Variants in DENND4A observed in about 807,000 individuals in gnomAD.
The protein encoded by DENND4A is C-myc promoter-binding protein.
A neutral mutation model predicts 199.3 loss-of-function variants in DENND4A; 70 were observed. The ratio of observed to expected loss-of-function variants is 0.35; its 90% CI spans 0.29 to 0.43. The LOEUF (loss-of-function observed/expected upper bound fraction) is 0.43. Ranked by LOEUF, DENND4A falls within the 20% of genes least tolerant of loss-of-function variation. The pLI, the probability that DENND4A is intolerant of heterozygous loss-of-function variation, is 1.00. For synonymous variants in DENND4A, 686 were observed against 766.9 expected, an observed-to-expected ratio of 0.89 and a Z score of 1.74; for missense variants, 1,723 against 2,255.8, an observed-to-expected ratio of 0.76 and a Z score of 4.78.
chr15:65,758,171 G>A (rs948695104), intron 2 of DENND4A, among the ~76,000 whole-genome samples: 5 of 152,048 alleles, frequency 3.3e-5, no homozygotes, highest in Admixed American at 6.6e-5. Flanking sequence ...ATATCAAACA[G>A]AAGAATTTCA....
Position 65,661,734 on chromosome 15 carries a change from G to A in DENND4A, c.*117C>T. 1.1e-6 allele frequency: 1 copy of A among 916,726 alleles called. No homozygotes were observed. The highest frequency in any genetic ancestry group is 1.6e-6 in the Non-Finnish European group (1 of 638,204). The allele number at this position is 916,726 out of a possible 1,614,324, so 56.8% of individuals were successfully genotyped here. On this transcript the variant is annotated 3_prime_UTR_variant, in exon 33 of 33. Transcript: ENST00000443035. ...TGTACATAAGCTGTCTGAGTCTTTT[G>A]AACCATTTACAAATTGTATTTTCAA... is the stretch of plus-strand genomic sequence containing the variant.
intron 7 of DENND4A, among the ~76,000 whole-genome samples, chr15:65,735,422 T>C (rs2076086471): frequency 6.6e-6 from 1 of 152,142 alleles, no homozygotes; most frequent in Non-Finnish European, 1.5e-5. Context: ...CAAAAAATTA[T>C]ATGATGTCAT....
chr15:65,671,996 C>T, intron 24 of DENND4A, 110 bp from the exon 25 acceptor site: 1 of 701,080 alleles, frequency 1.4e-6, no homozygotes, highest in South Asian at 1.6e-5. Context: ...CTATTCCAGT[C>T]AAAATATTAA....
At chr15:65,747,443 G>A (rs1354679284) in intron 4 of DENND4A, among the ~76,000 whole-genome samples, 2 of 152,110 alleles carry the variant, frequency 1.3e-5, no homozygotes, top group African/African-American at 2.4e-5. Flanking sequence ...CATGTAACAG[G>A]CACAGAGAGG....
At chr15:65,701,006 A>G (rs757876259) in intron 19 of DENND4A, 45 bp downstream of exon 19, 9 of 1,547,242 alleles carry the variant, frequency 5.8e-6, no homozygotes, top group Non-Finnish European at 7.8e-6. Flanking sequence ...AACTGTAGCT[A>G]ATCAATTAAT....
intron 23 of DENND4A, among the ~76,000 whole-genome samples, chr15:65,682,644 T>G (rs947971163): frequency 1.3e-5 from 2 of 152,234 alleles, no homozygotes; most frequent in African/African-American, 4.8e-5. Flanking sequence ...CATTCACAAC[T>G]TGGCTGTTTG....
chr15:65,779,333 A>G (rs970780039), intron 1 of DENND4A, among the ~76,000 whole-genome samples: 6 of 150,636 alleles, frequency 4.0e-5, no homozygotes, highest in Admixed American at 3.3e-4. Flanking sequence ...GTGCACACCT[A>G]TAATCCCAGC....
intron 4 of DENND4A, among the ~76,000 whole-genome samples, chr15:65,744,897 T>G (rs533176456): frequency 6.6e-6 from 1 of 152,320 alleles, no homozygotes; most frequent in Non-Finnish European, 1.5e-5. Flanking sequence ...AAGTAGTTAC[T>G]TAAAGGTAAC....
At chr15:65,695,883 T>C (rs2077127807) in intron 22 of DENND4A, among the ~76,000 whole-genome samples, 1 of 152,024 alleles carries the variant, frequency 6.6e-6, no homozygotes, top group Non-Finnish European at 1.5e-5. Flanking sequence ...ATATCTCCTT[T>C]GATACAAGCA....
intron 1 of DENND4A, among the ~76,000 whole-genome samples, chr15:65,782,039 G>A (rs1042997662): frequency 6.6e-6 from 1 of 152,178 alleles, no homozygotes; most frequent in Admixed American, 6.5e-5. Flanking sequence ...AAGAGAAAAA[G>A]GATTTTAGGG....
At chr15:65,706,049 T>C (rs369570641) in intron 15 of DENND4A, 42 bp downstream of exon 15, 18 of 1,461,704 alleles carry the variant, frequency 1.2e-5, no homozygotes, top group Non-Finnish European at 1.5e-5. Flanking sequence ...GATGATGGAT[T>C]GCTTCTCTCT....
intron 9 of DENND4A, among the ~76,000 whole-genome samples, 155 bp from the exon 10 acceptor site, chr15:65,729,833 T>C (rs2075906720): frequency 6.6e-6 from 1 of 152,230 alleles, no homozygotes; most frequent in Admixed American, 6.5e-5. Flanking sequence ...TTAAACATGA[T>C]TGCTGCTATG....
intron 14 of DENND4A, among the ~76,000 whole-genome samples, chr15:65,711,216 G>A (rs1647145656): frequency 6.6e-6 from 1 of 152,090 alleles, no homozygotes. Flanking sequence ...AAATAAACAG[G>A]TTTTCACCAC....
intron 1 of DENND4A, among the ~76,000 whole-genome samples, chr15:65,780,805 G>GT (rs1270194575): frequency 6.6e-6 from 1 of 152,170 alleles, no homozygotes; most frequent in Non-Finnish European, 1.5e-5. Flanking sequence ...AGAAAATGAG[G>GT]TACACAGAGT....
intron 11 of DENND4A, among the ~76,000 whole-genome samples, chr15:65,724,149 C>T (rs1171227565): frequency 6.6e-6 from 1 of 152,060 alleles, no homozygotes; most frequent in Non-Finnish European, 1.5e-5. Flanking sequence ...TCTTAACTCC[C>T]AGGCTCAAGT....
chr15:65,693,246 A>T (rs2077034594), intron 22 of DENND4A, among the ~76,000 whole-genome samples: 1 of 152,098 alleles, frequency 6.6e-6, no homozygotes, highest in Non-Finnish European at 1.5e-5. Context: ...GGGTTTTTGG[A>T]AAAATTATTT....
intron 13 of DENND4A, among the ~76,000 whole-genome samples, chr15:65,717,036 A>C (rs937768219): frequency 6.6e-6 from 1 of 152,196 alleles, no homozygotes; most frequent in Non-Finnish European, 1.5e-5. Flanking sequence ...TTACTTCTTC[A>C]GAAAAGCCTT....
intron 12 of DENND4A, among the ~76,000 whole-genome samples, chr15:65,719,611 C>T (rs560836011): frequency 3.5e-4 from 54 of 152,168 alleles, no homozygotes; most frequent in African/African-American, 1.1e-3. Flanking sequence ...TGACCTGGGC[C>T]GGGTGCAGTG....
chr15:65,704,660 G>A (rs996311669), intron 15 of DENND4A, among the ~76,000 whole-genome samples: 9 of 152,098 alleles, frequency 5.9e-5, no homozygotes, highest in Non-Finnish European at 8.8e-5. Context: ...GCACGATCTC[G>A]GCTCACTGCA....
Sources: gnomAD v4.1 joint callset for allele counts (sites outside exome capture counted in the v4.1 genomes callset) on GRCh38, gnomAD v4.1.1 for gene constraint, MANE v1.5 for transcripts, NCBI Gene and HGNC (gene_info 2026-07-23, HGNC 2026-07-21) for gene names.